The following HDAC8 variants were observed in gnomAD, a reference collection of about 807,000 sequenced individuals.
HDAC8 encodes the protein histone deacetylase-like 1.
HDAC8 carries 1 observed loss-of-function variant against 32.2 expected under a neutral mutation model. The observed-to-expected ratio is 0.03, with a 90% CI of 0.01 to 0.15. The LOEUF is 0.15. Ranked by LOEUF, HDAC8 falls within the 10% of genes least tolerant of loss-of-function variation. The probability of loss-of-function intolerance (pLI) is 1.00; values close to 1 mark genes in which losing one functional copy is unlikely to be tolerated. For synonymous variants in HDAC8, 108 were observed against 113.9 expected, an observed-to-expected ratio of 0.95 and a Z score of 0.33; for missense variants, 117 against 300.0, an observed-to-expected ratio of 0.39 and a Z score of 4.51.
At chrX:72,365,938 G>A (rs2044685314) in intron 9 of HDAC8, among the ~76,000 whole-genome samples, 1 of 112,281 alleles carries the variant, frequency 8.9e-6, no homozygotes. Flanking sequence ...TGATACCAAT[G>A]TTTCTTGAGC....
At chrX:72,419,334 C>T (rs993907450) in intron 9 of HDAC8, among the ~76,000 whole-genome samples, 1 of 111,357 alleles carries the variant, frequency 9.0e-6, no homozygotes, top group Non-Finnish European at 1.9e-5. Context: ...TCTTTCACCT[C>T]CTTGGTTGAG....
chrX:72,470,159 TAC>T (rs1555996868), intron 7 of HDAC8, among the ~76,000 whole-genome samples: 36 of 97,522 alleles, frequency 3.7e-4, no homozygotes, highest in African/African-American at 1.7e-3. Flanking sequence ...AATACATACA[TAC>T]ATACATACAT....
chrX:72,476,563 G>C (rs1295044989), intron 7 of HDAC8, among the ~76,000 whole-genome samples: 1 of 110,993 alleles, frequency 9.0e-6, no homozygotes, highest in Non-Finnish European at 1.9e-5. Context: ...CTCAGTTCAG[G>C]GAGAATGCTG....
intron 4 of HDAC8, among the ~76,000 whole-genome samples, chrX:72,502,962 A>G (rs891523132): frequency 8.9e-5 from 10 of 111,830 alleles, no homozygotes; most frequent in Admixed American, 5.7e-4. Context: ...TTTGTCAAAA[A>G]AAATTTTTGG....
rs142907705 is a variant in HDAC8 at position 72,492,254 on chromosome X, A to G, written c.551-1248T>C. On this transcript the variant is annotated intron_variant, in intron 5 of 10. Transcript: ENST00000373573. ...GTATGAGAGTTCCCAAACTATTGTT[A>G]TTCTCTTTAATCTTAGGCAGAAAGA... is the stretch of plus-strand genomic sequence containing the variant. 9.1e-3 allele frequency among the ~76,000 whole-genome samples: 1,026 copies of G among 112,296 alleles called. 18 individuals carry two copies. The highest frequency in any genetic ancestry group is 0.031 in the African/African-American group (971 of 30,996).
intron 9 of HDAC8, among the ~76,000 whole-genome samples, chrX:72,460,858 G>A (rs1363915034): frequency 8.9e-6 from 1 of 111,860 alleles, no homozygotes; most frequent in Non-Finnish European, 1.9e-5. Context: ...ATTTCATTAA[G>A]CTTCCAAATA....
chrX:72,540,671 G>A (rs935246505), intron 4 of HDAC8, among the ~76,000 whole-genome samples: 1 of 110,908 alleles, frequency 9.0e-6, no homozygotes, highest in Admixed American at 9.6e-5. Context: ...TCTCTCTCCC[G>A]GTCCTGATAA....
intron 4 of HDAC8, among the ~76,000 whole-genome samples, chrX:72,510,860 G>A (rs1370047606): frequency 5.4e-5 from 6 of 111,852 alleles, no homozygotes; most frequent in Admixed American, 3.8e-4. Flanking sequence ...TCAGTAAAAT[G>A]TAGGTTAGCA....
chrX:72,468,771 CTG>C (rs569499589), intron 7 of HDAC8, among the ~76,000 whole-genome samples: 1 of 112,172 alleles, frequency 8.9e-6, no homozygotes, highest in South Asian at 3.7e-4. Flanking sequence ...AAACAAGTAA[CTG>C]TGATAAGTGC....
At chrX:72,554,448 T>A (rs2051196150) in intron 4 of HDAC8, among the ~76,000 whole-genome samples, 1 of 95,556 alleles carries the variant, frequency 1.0e-5, no homozygotes, top group South Asian at 5.2e-4. Flanking sequence ...CCCTGGTCAC[T>A]GGCTGCCTGG....
chrX:72,462,351 A>G (rs1410694590), intron 8 of HDAC8: 6 of 280,865 alleles, frequency 2.1e-5, no homozygotes, highest in South Asian at 1.9e-4. Context: ...CATCTCCCCA[A>G]AAATATGTAC....
rs996597418 is a variant in HDAC8, at chrX:72,567,603, T to A, written c.437+286A>T. 1.5e-4 allele frequency: 83 copies of A among 548,760 alleles called. No individual in the cohort carries two copies. The African/African-American group carries it at 1.8e-3, about 12-fold the overall frequency. The allele number at this position is 548,760 out of a possible 1,213,427, so 45.2% of individuals were successfully genotyped here. A position where few individuals can be genotyped will look rare whatever the true frequency, so the allele number is the denominator to read the frequency against. On this transcript the variant is annotated intron_variant, in intron 4 of 10. Coordinates refer to ENST00000373573, the MANE Select transcript of HDAC8 (RefSeq NM_018486.3). ...TGTCTAGTTGTATCCTTTGTTCATT[T>A]TATTGATGAAGAAACTGAGGCCTAG...
intron 9 of HDAC8, among the ~76,000 whole-genome samples, chrX:72,356,269 G>T (rs782790430): frequency 7.9e-4 from 88 of 111,437 alleles, no homozygotes; most frequent in African/African-American, 2.6e-3. Flanking sequence ...GTCTGCAAAG[G>T]GGGTATAGAG....
chrX:72,514,905 A>T (rs782312115), intron 4 of HDAC8, among the ~76,000 whole-genome samples: 22 of 111,615 alleles, frequency 2.0e-4, no homozygotes, highest in African/African-American at 2.9e-4. Flanking sequence ...ATCTTTTTTT[A>T]AAAAAATTGA....
intron 4 of HDAC8, 57 bp downstream of exon 4, chrX:72,567,832 A>G (rs782571907): frequency 2.5e-6 from 3 of 1,211,589 alleles, no homozygotes; most frequent in South Asian, 1.8e-5. Context: ...AAGAGTTTAC[A>G]TAACTGAGAA....
chrX:72,526,286 T>C (rs1444476441), intron 4 of HDAC8, among the ~76,000 whole-genome samples: 11 of 111,054 alleles, frequency 9.9e-5, no homozygotes, highest in African/African-American at 3.6e-4. Flanking sequence ...CTCTCTTTTT[T>C]TTTTACTTGA....
intron 9 of HDAC8, among the ~76,000 whole-genome samples, chrX:72,355,865 G>A (rs1436671001): frequency 8.9e-6 from 1 of 112,260 alleles, no homozygotes; most frequent in Admixed American, 9.4e-5. Flanking sequence ...TCAACATTTA[G>A]TAAGTATCTA....
intron 9 of HDAC8, among the ~76,000 whole-genome samples, chrX:72,435,921 T>C (rs1602822547): frequency 9.0e-6 from 1 of 111,512 alleles, no homozygotes; most frequent in East Asian, 2.8e-4. Flanking sequence ...TGAGCCAAGA[T>C]TGTGCCACTG....
At chrX:72,443,276 T>C (rs782451899) in intron 9 of HDAC8, among the ~76,000 whole-genome samples, 5,291 of 108,222 alleles carry the variant, frequency 0.049, 319 homozygotes, top group African/African-American at 0.17. Context: ...ATTGACCACA[T>C]AGTTGGAAGT....
Sources: gnomAD v4.1 joint callset for allele counts (sites outside exome capture counted in the v4.1 genomes callset) on GRCh38, gnomAD v4.1.1 for gene constraint, MANE v1.5 for transcripts, NCBI Gene and HGNC (gene_info 2026-07-23, HGNC 2026-07-21) for gene names.